Variants in UBE3C observed in about 807,000 individuals in gnomAD.
UBE3C encodes ubiquitin-protein ligase E3C.
In UBE3C, 42 loss-of-function variants were observed where a neutral mutation model predicts 129.4. That is an observed-to-expected ratio of 0.32 (90% CI 0.25 to 0.42). The LOEUF is 0.42. Ranked by LOEUF, UBE3C falls within the 10% of genes least tolerant of loss-of-function variation. The pLI is 1.00. For synonymous variants in UBE3C, 510 were observed against 492.4 expected (o/e 1.04, Z -0.47); for missense variants, 1,049 against 1,319.1 (o/e 0.80, Z 3.17).
intron 1 of UBE3C, among the ~76,000 whole-genome samples, chr7:157,162,585 G>A (rs1211795492): frequency 6.6e-6 from 1 of 151,234 alleles, no homozygotes; most frequent in Non-Finnish European, 1.5e-5. Flanking sequence ...TGTCACTCAG[G>A]CTGGAGAGTG....
Position 157,256,991 on chromosome 7 carries a change from A to C in UBE3C, c.3028A>C (p.Lys1010Gln). 1 of 1,614,208 alleles carries C rather than the reference A, an allele frequency of 6.2e-7. No homozygotes were observed. The highest frequency in any genetic ancestry group is 8.5e-7 in the Non-Finnish European group (1 of 1,180,038). Residue 1010 changes from lysine to glutamine, a missense_variant, in exon 22 of 23, where the codon AAA becomes CAA. This residue lies in a region of UBE3C where 243 missense variants were observed against 368.7 expected (regional missense o/e 0.66). Coordinates refer to ENST00000348165, the MANE Select transcript of UBE3C (RefSeq NM_014671.3). Reference sequence around the variant, plus strand: ...AGGGTTCACTGATGAAGAAAAGCGCAAACTGCTGAAGTTTGTAACAAGCTG... The same window carrying C: ...AGGGTTCACTGATGAAGAAAAGCGCCAACTGCTGAAGTTTGTAACAAGCTG... ...VEGFTDEEKR[K>Q]LLKFVTSCSR...
At chr7:157,250,895 A>AT (rs1796605714) in intron 19 of UBE3C, among the ~76,000 whole-genome samples, 1 of 152,116 alleles carries the variant, frequency 6.6e-6, no homozygotes, top group Non-Finnish European at 1.5e-5. Flanking sequence ...AGTATTTCCC[A>AT]TTTTTCCTTC....
intron 18 of UBE3C, among the ~76,000 whole-genome samples, chr7:157,244,017 G>C (rs1039403702): frequency 1.3e-5 from 2 of 152,128 alleles, no homozygotes; most frequent in Non-Finnish European, 2.9e-5. Flanking sequence ...GATCACCTGA[G>C]GTCAGGAGTT....
At chr7:157,213,401 A>G (rs1809652028) in intron 13 of UBE3C, among the ~76,000 whole-genome samples, 1 of 152,252 alleles carries the variant, frequency 6.6e-6, no homozygotes, top group Non-Finnish European at 1.5e-5. Flanking sequence ...TGATGGCGGC[A>G]CGCCTGTGGT....
At chr7:157,174,427 T>C (rs1200529435) in intron 4 of UBE3C, among the ~76,000 whole-genome samples, 2 of 152,212 alleles carry the variant, frequency 1.3e-5, no homozygotes, top group African/African-American at 4.8e-5. Context: ...ACTGATGTGT[T>C]ATTTTAAGAT....
chr7:157,242,369 C>T (rs1273687389), intron 18 of UBE3C, among the ~76,000 whole-genome samples: 2 of 152,196 alleles, frequency 1.3e-5, no homozygotes, highest in African/African-American at 4.8e-5. Context: ...TCAAATTTCT[C>T]AAGAGGTGGC....
intron 14 of UBE3C, 102 bp from the exon 15 acceptor site, chr7:157,220,587 C>G: frequency 7.3e-7 from 1 of 1,365,388 alleles, no homozygotes; most frequent in Non-Finnish European, 1.0e-6. Context: ...AGGGCCCAGC[C>G]CACGGTAGAG....
At chr7:157,146,919 G>A (rs1380288317) in intron 1 of UBE3C, among the ~76,000 whole-genome samples, 1 of 152,200 alleles carries the variant, frequency 6.6e-6, no homozygotes, top group Non-Finnish European at 1.5e-5. Flanking sequence ...CCAAAGTGCT[G>A]GGGTTACGGG....
chr7:157,224,281 G>A (rs1379825541), intron 16 of UBE3C, among the ~76,000 whole-genome samples: 1 of 151,898 alleles, frequency 6.6e-6, no homozygotes, highest in Non-Finnish European at 1.5e-5. Context: ...TGCAACCTCC[G>A]CCTCCCGGAT....
intron 10 of UBE3C, among the ~76,000 whole-genome samples, chr7:157,200,016 G>A (rs1265107441): frequency 1.3e-5 from 2 of 151,480 alleles, no homozygotes; most frequent in South Asian, 2.1e-4. Context: ...TTGTCATGGC[G>A]TGTGACTGAT....
intron 1 of UBE3C, among the ~76,000 whole-genome samples, chr7:157,148,205 A>G (rs1407879264): frequency 6.6e-6 from 1 of 151,950 alleles, no homozygotes; most frequent in Non-Finnish European, 1.5e-5. Flanking sequence ...AATTCAAGTG[A>G]TTCTCCTGTC....
rs779273961 is a variant in UBE3C at position 157,182,111 on chromosome 7, A to G, written c.774A>G (p.Gln258=). 4 of 1,557,154 alleles carry G rather than the reference A, an allele frequency of 2.6e-6. No individual in the cohort carries two copies. The highest frequency in any genetic ancestry group is 3.5e-6 in the Non-Finnish European group (4 of 1,158,382). ...AGCTTCTGTTTTTCTTTTTCAGGCA[A>G]CAAGTTTTTACAGCCTTCACAGAGG... ...TYNSCPEGAR[Q]QVFTAFTEEF... The change falls in exon 8 of 23, where the codon CAA becomes CAG. Residue 258 remains glutamine, a synonymous_variant. Transcript: ENST00000348165.
intron 10 of UBE3C, among the ~76,000 whole-genome samples, chr7:157,193,417 G>T (rs59176594): frequency 0.058 from 8,822 of 152,196 alleles, 603 homozygotes; most frequent in African/African-American, 0.16. Context: ...CCATGCTGTG[G>T]TGGCCTTGAC....
chr7:157,233,482 G>C (rs1796076682), intron 18 of UBE3C, among the ~76,000 whole-genome samples: 1 of 152,064 alleles, frequency 6.6e-6, no homozygotes. Context: ...GTCTTGCCAT[G>C]TTGCCCAGGC....
chr7:157,214,698 C>T (rs1398796318), intron 13 of UBE3C, among the ~76,000 whole-genome samples: 1 of 152,160 alleles, frequency 6.6e-6, no homozygotes, highest in Admixed American at 6.5e-5. Flanking sequence ...AGGGTGTGTG[C>T]TCTGTGTGGA....
intron 1 of UBE3C, among the ~76,000 whole-genome samples, chr7:157,148,246 G>A (rs752241599): frequency 6.6e-5 from 10 of 151,872 alleles, no homozygotes; most frequent in Non-Finnish European, 1.3e-4. Flanking sequence ...GCTTACAGGC[G>A]CCCACCACCA....
chr7:157,156,010 C>T (rs1176986595), intron 1 of UBE3C, among the ~76,000 whole-genome samples: 1 of 152,152 alleles, frequency 6.6e-6, no homozygotes, highest in African/African-American at 2.4e-5. Context: ...ACTATGAGTA[C>T]AATAAATTGA....
At chr7:157,251,328 T>C (rs879938240) in intron 19 of UBE3C, among the ~76,000 whole-genome samples, 5 of 152,236 alleles carry the variant, frequency 3.3e-5, no homozygotes, top group African/African-American at 9.6e-5. Flanking sequence ...TGGCTGTTAA[T>C]CTGTTTAATA....
chr7:157,171,579 G>T (rs1470537992), intron 4 of UBE3C, among the ~76,000 whole-genome samples: 2 of 144,782 alleles, frequency 1.4e-5, no homozygotes, highest in African/African-American at 2.5e-5. Context: ...TTTAAAAAAT[G>T]GAATTTGTTA....
Sources: allele counts gnomAD v4.1 joint callset (sites outside exome capture counted in the v4.1 genomes callset), GRCh38; gene constraint gnomAD v4.1.1; regional missense constraint gnomAD v4.1.1; transcripts MANE v1.5; gene names NCBI Gene and HGNC (gene_info 2026-07-23, HGNC 2026-07-21).